Variants in PHLDB2 observed in about 807,000 individuals in gnomAD.
PHLDB2 encodes the protein pleckstrin homology-like domain family B member 2.
In PHLDB2, 71 loss-of-function variants were observed where a neutral mutation model predicts 123.6. The ratio of observed to expected loss-of-function variants is 0.57; its 90% CI spans 0.47 to 0.70. PHLDB2 has a LOEUF of 0.70. PHLDB2 is among the 30% of genes least tolerant of loss of function. PHLDB2 has a pLI of 0.00. For synonymous variants in PHLDB2, 547 were observed against 541.6 expected (o/e 1.01, Z -0.14); for missense variants, 1,446 against 1,519.5 (o/e 0.95, Z 0.80).
chr3:111,759,911 A>G (rs1031137205), intron 1 of PHLDB2, among the ~76,000 whole-genome samples: 5 of 152,252 alleles, frequency 3.3e-5, no homozygotes, highest in African/African-American at 1.2e-4. Context: ...TAATAGCAAC[A>G]ATATGCAGTT....
intron 1 of PHLDB2, among the ~76,000 whole-genome samples, chr3:111,822,421 C>T (rs968246133): frequency 1.3e-5 from 2 of 151,944 alleles, no homozygotes; most frequent in African/African-American, 2.4e-5. Flanking sequence ...AGAGATACCT[C>T]TTAGACTCCT....
chr3:111,734,428 T>A (rs533723243), intron 1 of PHLDB2, among the ~76,000 whole-genome samples: 83 of 152,220 alleles, frequency 5.5e-4, no homozygotes, highest in African/African-American at 1.5e-3. Context: ...AAATTTTTTT[T>A]AAAAATTTAT....
chr3:111,949,710 A>T, intron 10 of PHLDB2: 6 of 985,114 alleles, frequency 6.1e-6, no homozygotes, highest in Non-Finnish European at 7.2e-6. Flanking sequence ...AGCAAAGATC[A>T]CCTGTCTATT....
At chr3:111,915,650 G>A (rs2068128374) in intron 3 of PHLDB2, 1 of 152,566 alleles carries the variant, frequency 6.6e-6, no homozygotes, top group Non-Finnish European at 1.5e-5. Flanking sequence ...GGCCAGTCTC[G>A]AACTCCTGAC....
At chr3:111,819,221 G>A (rs2062247866) in intron 1 of PHLDB2, among the ~76,000 whole-genome samples, 1 of 152,018 alleles carries the variant, frequency 6.6e-6, no homozygotes, top group African/African-American at 2.4e-5. Context: ...GCCCATCTCT[G>A]ACTGGGGGTT....
intron 2 of PHLDB2, among the ~76,000 whole-genome samples, chr3:111,901,459 G>A (rs535392997): frequency 4.0e-5 from 6 of 151,308 alleles, no homozygotes; most frequent in East Asian, 3.9e-4. Flanking sequence ...GTCTACTGTC[G>A]TTTTTTTACA....
At chr3:111,943,700 C>G (rs2070074225) in intron 8 of PHLDB2, among the ~76,000 whole-genome samples, 1 of 152,128 alleles carries the variant, frequency 6.6e-6, no homozygotes, top group Non-Finnish European at 1.5e-5. Flanking sequence ...TTAATTCCAT[C>G]TCATAAACTA....
At chr3:111,912,247 A>G (rs972349950) in intron 2 of PHLDB2, among the ~76,000 whole-genome samples, 4 of 152,202 alleles carry the variant, frequency 2.6e-5, no homozygotes, top group South Asian at 4.1e-4. Flanking sequence ...TGTAAATTAT[A>G]TCCTGTTGCT....
At chr3:111,946,071 G>A (rs978770790) in intron 9 of PHLDB2, among the ~76,000 whole-genome samples, 1 of 96,344 alleles carries the variant, frequency 1.0e-5, no homozygotes, top group African/African-American at 4.6e-5. Context: ...TTACTGTGTT[G>A]CCCAGGCTGG....
intron 12 of PHLDB2, among the ~76,000 whole-genome samples, chr3:111,956,824 A>G (rs896985369): frequency 5.9e-5 from 9 of 152,220 alleles, no homozygotes; most frequent in Non-Finnish European, 1.0e-4. Flanking sequence ...TCATAATTTC[A>G]TTTAGAATTG....
At chr3:111,794,365 C>T (rs768329386) in intron 1 of PHLDB2, among the ~76,000 whole-genome samples, 2 of 152,102 alleles carry the variant, frequency 1.3e-5, no homozygotes, top group Non-Finnish European at 2.9e-5. Context: ...GCTGCCGCTG[C>T]GGAATAGAGG....
chr3:111,967,127 A>T (rs2071830086), intron 14 of PHLDB2, among the ~76,000 whole-genome samples: 4 of 152,010 alleles, frequency 2.6e-5, no homozygotes, highest in Admixed American at 1.3e-4. Context: ...CGTTTTTATG[A>T]CTGTATTTCA....
In PHLDB2 at chr3:111,890,917, C is replaced by T. The variant is rs536433856; in HGVS notation, c.1335+5505C>T. Among the ~76,000 whole-genome samples the T allele has an allele frequency of 8.5e-5, 13 of 152,162 alleles. No homozygotes were observed. The South Asian group carries it at 1.9e-3, about 22-fold the overall frequency. On this transcript the variant is annotated intron_variant, in intron 2 of 17. Coordinates refer to ENST00000431670, the MANE Select transcript of PHLDB2 (RefSeq NM_001134438.2). The stretch of plus-strand genomic sequence containing the variant: ...CTTTGGTCATTTTTGCCAGCCTTTT[C>T]GTTTTTTATGATCTTAGAAACCAGT...
In PHLDB2 at chr3:111,734,221, T is replaced by G. The variant is rs145855810; in HGVS notation, c.-49+1518T>G. On this transcript the variant is annotated intron_variant, in intron 1 of 17. Coordinates refer to the PHLDB2 transcript ENST00000393923. ...GTGAATCTGGCTGGTATCCAGAGGA[T>G]GTTCATAGATAATGCAAGTGATGGA... Among the ~76,000 whole-genome samples, 4 of 152,316 alleles carry G rather than the reference T, an allele frequency of 2.6e-5. No homozygotes were observed. The East Asian group carries it at 7.7e-4, about 29-fold the overall frequency.
intron 2 of PHLDB2, among the ~76,000 whole-genome samples, chr3:111,912,962 T>C (rs897113723): frequency 4.6e-5 from 7 of 152,146 alleles, no homozygotes; most frequent in Non-Finnish European, 8.8e-5. Flanking sequence ...TGGGACAGAG[T>C]AAGACCTTGT....
chr3:111,928,912 C>G (rs2068955265), intron 5 of PHLDB2, among the ~76,000 whole-genome samples: 1 of 152,190 alleles, frequency 6.6e-6, no homozygotes, highest in South Asian at 2.1e-4. Context: ...CTGGAGTGTT[C>G]CAATTCCTTC....
intron 2 of PHLDB2, among the ~76,000 whole-genome samples, chr3:111,894,444 T>G (rs2107394798): frequency 6.6e-6 from 1 of 151,958 alleles, no homozygotes; most frequent in East Asian, 1.9e-4. Context: ...GATGGCTGGG[T>G]CAAATGGTAT....
At chr3:111,873,083 A>G (rs1345161439) in intron 1 of PHLDB2, among the ~76,000 whole-genome samples, 1 of 152,150 alleles carries the variant, frequency 6.6e-6, no homozygotes, top group African/African-American at 2.4e-5. Flanking sequence ...ACTTTCCTCT[A>G]CAGATATGCA....
intron 2 of PHLDB2, among the ~76,000 whole-genome samples, chr3:111,910,492 T>G (rs2107493709): frequency 6.6e-6 from 1 of 152,234 alleles, no homozygotes; most frequent in South Asian, 2.1e-4. Context: ...GGTTGTTAGG[T>G]GAAGCTTCAA....
Sources: allele counts gnomAD v4.1 joint callset (sites outside exome capture counted in the v4.1 genomes callset), GRCh38; gene constraint gnomAD v4.1.1; transcripts MANE v1.5; gene names NCBI Gene and HGNC (gene_info 2026-07-23, HGNC 2026-07-21).